KDM3B: variants seen among roughly 807,000 people sequenced by gnomAD.
KDM3B encodes lysine demethylase 3B, also known as lysine-specific demethylase 3B.
Under a neutral mutation model 170.0 loss-of-function variants are expected in KDM3B, and 10 were observed. The observed-to-expected ratio is 0.06, with a 90% CI of 0.04 to 0.10. The LOEUF (loss-of-function observed/expected upper bound fraction) is 0.10. Among genes scored for constraint, KDM3B ranks in the 10% least tolerant of loss-of-function variants. The pLI is 1.00. For synonymous variants in KDM3B, 831 were observed against 834.8 expected (o/e 1.00, Z 0.08); for missense variants, 1,394 against 2,195.2 (o/e 0.64, Z 7.29).
chr5:138,391,262 T>C lies in KDM3B; in HGVS notation c.1630T>C (p.Ser544Pro). Reference protein sequence around the residue: ...LPTSNYFTTVSESLADDSSSR... With the variant: ...LPTSNYFTTVPESLADDSSSR... ...TACCAGTAACTACTTCACTACTGTT[T>C]CAGAGAGTTTGGCTGATGATTCTTC... The change falls in exon 8 of 24, where the codon TCA becomes CCA. Residue 544 changes from serine (S) to proline (P), a missense_variant. By Grantham distance (74) the Ser-to-Pro change is moderately conservative (BLOSUM62 -1). Transcript: ENST00000314358. The surrounding 1 kb of genome is among the most constrained non-coding windows in gnomAD (Gnocchi z 5.0). 10 of 1,614,202 alleles carry C rather than the reference T, an allele frequency of 6.2e-6. No homozygotes were observed. Among genetic ancestry groups the C allele is most frequent in the Non-Finnish European group, 8.5e-6 (10 of 1,180,030 alleles).
intron 11 of KDM3B, 136 bp from the exon 12 acceptor site, chr5:138,414,996 C>G: frequency 2.0e-6 from 1 of 490,980 alleles, no homozygotes; most frequent in Non-Finnish European, 3.7e-6. Flanking sequence ...AAAGCAGGGG[C>G]TTTTTGTTTT....
chr5:138,421,271 T>C lies in KDM3B; in HGVS notation c.3972+309T>C, dbSNP rs565973641. 3.9e-5 allele frequency among the ~76,000 whole-genome samples: 6 copies of C among 152,344 alleles called. No homozygotes were observed. The East Asian group carries it at 1.2e-3, about 29-fold the overall frequency. ...TAACCTGGACAGTACATTTGTATTG[T>C]ATTCTCTTGGATATCTAATAGATGT... On this transcript the variant is annotated intron_variant, in intron 15 of 23. Transcript: ENST00000314358.
Position 138,419,380 on chromosome 5 carries a change from G to T in KDM3B, c.3715+148G>T, listed in dbSNP as rs1288492528. 63 of 1,037,236 alleles carry T rather than the reference G, an allele frequency of 6.1e-5. No individual in the cohort carries two copies. The East Asian group carries it at 1.3e-3, about 22-fold the overall frequency. 64.3% of individuals were successfully genotyped at this position (1,037,236 alleles called of 1,614,324 possible). ...TCACATGAGGGACTGCCGGGGCCTG[G>T]CGTGGTGGCTCACGCGTGTAATCCC... On this transcript the variant is annotated intron_variant, in intron 14 of 23. Coordinates refer to ENST00000314358, the MANE Select transcript of KDM3B (RefSeq NM_016604.4).
Position 138,377,802 on chromosome 5 carries a change from A to T in KDM3B, c.557A>T (p.Lys186Met). Residue 186 changes from lysine to methionine, a missense_variant, in exon 4 of 24, where the codon AAG becomes ATG. Around this residue, in one of 19 missense-constraint regions of KDM3B, gnomAD observed 166 missense variants for 216.4 expected, o/e 0.77. Coordinates refer to ENST00000314358, the MANE Select transcript of KDM3B (RefSeq NM_016604.4). ...ETVNALISDQ[K>M]LQEIFSRGPY... ...GTTAATGCTTTGATCAGTGACCAAAAGCTACAAGAGATATTCAGCCGAGGT... is the reference window on the plus strand; with the variant it reads ...GTTAATGCTTTGATCAGTGACCAAATGCTACAAGAGATATTCAGCCGAGGT... 6.2e-7 allele frequency: 1 copy of T among 1,613,534 alleles called. No individual in the cohort carries two copies. The highest frequency in any genetic ancestry group is 8.5e-7 in the Non-Finnish European group (1 of 1,179,494).
chr5:138,379,064 T>C (rs1335250383), intron 4 of KDM3B, among the ~76,000 whole-genome samples: 1 of 152,126 alleles, frequency 6.6e-6, no homozygotes, highest in Non-Finnish European at 1.5e-5. Flanking sequence ...AGCCTATTAT[T>C]AGTGCAGAAG....
intron 11 of KDM3B, among the ~76,000 whole-genome samples, chr5:138,407,662 AC>A (rs1323479662): frequency 6.6e-6 from 1 of 152,186 alleles, no homozygotes; most frequent in African/African-American, 2.4e-5. Flanking sequence ...AACCAGTGTT[AC>A]AACCCATCGG....
chr5:138,429,091 CT>C (rs1239938494), intron 20 of KDM3B, among the ~76,000 whole-genome samples: 5 of 151,578 alleles, frequency 3.3e-5, no homozygotes, highest in East Asian at 1.9e-4. Context: ...TTACATTTGC[CT>C]TTTTTTCTTT....
chr5:138,429,582 A>G (rs1331282842), intron 20 of KDM3B, among the ~76,000 whole-genome samples: 2 of 152,226 alleles, frequency 1.3e-5, no homozygotes, highest in African/African-American at 4.8e-5. Context: ...ACACAGTTTA[A>G]GCAAAAAATA....
Position 138,419,003 on chromosome 5 carries a change from T to C in KDM3B, c.3486T>C (p.Ser1162=). ...CTTCTGGAAACGAAACTACCTTCTC[T>C]GGTGGAGGAGGACCGGCACCAGTAA... The part of the protein sequence containing the change: ...SASSGNETTF[S]GGGGPAPVTT... Residue 1162 remains serine (S), a synonymous_variant, in exon 14 of 24, where the codon TCT becomes TCC. Coordinates refer to ENST00000314358, the MANE Select transcript of KDM3B (RefSeq NM_016604.4). The C allele has an allele frequency of 1.9e-6, 3 of 1,614,120 alleles. No homozygotes were observed. Among genetic ancestry groups the C allele is most frequent in the East Asian group, 4.5e-5 (2 of 44,880 alleles).
At chr5:138,425,800 G>T in intron 17 of KDM3B, 1 of 401,282 alleles carries the variant, frequency 2.5e-6, no homozygotes, top group South Asian at 4.0e-5. Flanking sequence ...GGGGTCAGGA[G>T]TTCAAGACCA....
chr5:138,406,298 T>C (rs1380747011), intron 11 of KDM3B, among the ~76,000 whole-genome samples: 1 of 152,150 alleles, frequency 6.6e-6, no homozygotes, highest in Non-Finnish European at 1.5e-5. Context: ...TGAGCCATGA[T>C]TGCACCACTG....
chr5:138,366,241 C>T (rs1186601733), intron 1 of KDM3B, among the ~76,000 whole-genome samples: 2 of 152,140 alleles, frequency 1.3e-5, no homozygotes, highest in African/African-American at 4.8e-5. Flanking sequence ...TAGTTATTCA[C>T]CTAAGTATAA....
chr5:138,359,275 G>C (rs947300870), intron 1 of KDM3B, among the ~76,000 whole-genome samples: 2 of 151,638 alleles, frequency 1.3e-5, no homozygotes, highest in African/African-American at 4.9e-5. Flanking sequence ...GATTCTCCTG[G>C]CTTAGTCTCC....
At position 138,426,893 on chromosome 5, in the gene KDM3B, A is replaced by G. The variant is rs1352717497; in HGVS notation, c.4412-82A>G. 6.8e-6 allele frequency: 6 copies of G among 879,572 alleles called. No homozygotes were observed. The East Asian group carries it at 1.0e-4, about 15-fold the overall frequency. The allele number at this position is 879,572 out of a possible 1,614,324, so 54.5% of individuals were successfully genotyped here. On this transcript the variant is annotated intron_variant, in intron 17 of 23. Coordinates refer to ENST00000314358, the MANE Select transcript of KDM3B (RefSeq NM_016604.4). Reference sequence around the variant, plus strand: ...AAAAAAAAAAAAAGAAAAAAAAGAGATTAGTCTCCCAAAAGTTACTGTTGA... The same window carrying G: ...AAAAAAAAAAAAAGAAAAAAAAGAGGTTAGTCTCCCAAAAGTTACTGTTGA...
intron 9 of KDM3B, among the ~76,000 whole-genome samples, chr5:138,394,387 AAAT>A (rs1364380426): frequency 6.6e-6 from 1 of 152,314 alleles, no homozygotes; most frequent in African/African-American, 2.4e-5. Flanking sequence ...GAAAAAGAAA[AAAT>A]AATAAGTGAT....
At chr5:138,421,099 T>G in intron 15 of KDM3B, 137 bp downstream of exon 15, 1 of 1,025,374 alleles carries the variant, frequency 9.8e-7, no homozygotes, top group South Asian at 1.6e-5. Context: ...TCTTTAAAGT[T>G]TTGGGAATCT....
intron 1 of KDM3B, among the ~76,000 whole-genome samples, chr5:138,355,964 C>T (rs1198046738): frequency 6.6e-6 from 1 of 152,148 alleles, no homozygotes; most frequent in Non-Finnish European, 1.5e-5. Flanking sequence ...CTTTTTTTAG[C>T]AAATGGTGTC....
chr5:138,357,023 G>GTTTGT, intron 1 of KDM3B, among the ~76,000 whole-genome samples: 1 of 150,974 alleles, frequency 6.6e-6, no homozygotes, highest in East Asian at 2.0e-4. Flanking sequence ...GCCTCTTTTT[G>GTTTGT]TTTGTTTTGT....
At chr5:138,399,363 C>T (rs1412369423) in intron 10 of KDM3B, among the ~76,000 whole-genome samples, 1 of 151,558 alleles carries the variant, frequency 6.6e-6, no homozygotes, top group Non-Finnish European at 1.5e-5. Flanking sequence ...TATGGTGAAA[C>T]CCCATCTCTA....
Sources: gnomAD v4.1 joint callset for allele counts (sites outside exome capture counted in the v4.1 genomes callset) on GRCh38, gnomAD v4.1.1 for gene constraint, gnomAD v4.1.1 regional missense constraint, Gnocchi (gnomAD v3.1) non-coding constraint, MANE v1.5 for transcripts, NCBI Gene and HGNC (gene_info 2026-07-23, HGNC 2026-07-21) for gene names.